Variants in TMEM182 observed in about 807,000 individuals in gnomAD.
TMEM182 encodes transmembrane protein 182.
A neutral mutation model predicts 26.8 loss-of-function variants in TMEM182; 20 were observed. The observed-to-expected ratio is 0.75, with a 90% CI of 0.53 to 1.09. The LOEUF is 1.09. TMEM182 is among the 50% of genes least tolerant of loss of function. TMEM182 has a pLI of 0.00. For synonymous variants in TMEM182, 109 were observed against 102.2 expected, an observed-to-expected ratio of 1.07 and a Z score of -0.40; for missense variants, 277 against 275.5, an observed-to-expected ratio of 1.01 and a Z score of -0.04.
chr2:102,768,376 G>T (rs888744919), intron 3 of TMEM182, among the ~76,000 whole-genome samples: 5 of 151,928 alleles, frequency 3.3e-5, no homozygotes, highest in African/African-American at 1.2e-4. Context: ...TTACTAAATG[G>T]ACCTACACAA....
intron 1 of TMEM182, among the ~76,000 whole-genome samples, chr2:102,741,394 G>T (rs10192265): frequency 6.6e-6 from 1 of 152,098 alleles, no homozygotes; most frequent in Non-Finnish European, 1.5e-5. Context: ...GAAAAATTCC[G>T]TCAGGTTCCC....
At chr2:102,795,098 G>A (rs2104722790) in intron 3 of TMEM182, among the ~76,000 whole-genome samples, 1 of 152,098 alleles carries the variant, frequency 6.6e-6, no homozygotes. Context: ...CATTGCATGG[G>A]TTTAATTTCA....
At chr2:102,798,124 A>T (rs1681961784) in intron 4 of TMEM182, 124 bp downstream of exon 4, 15 of 1,222,692 alleles carry the variant, frequency 1.2e-5, no homozygotes, top group Non-Finnish European at 1.6e-5. Flanking sequence ...TGTATACAAT[A>T]CTTCTTGAAC....
upstream of TMEM182, among the ~76,000 whole-genome samples, chr2:102,760,644 T>C (rs562594848): frequency 3.2e-4 from 48 of 152,302 alleles, no homozygotes; most frequent in African/African-American, 1.1e-3. Context: ...TTGAGAGTTT[T>C]GCTCTTGTTG....
In TMEM182 at chr2:102,809,765, T is replaced by G. The variant is rs1346067652; in HGVS notation, c.470-4983T>G. Among the ~76,000 whole-genome samples the G allele has an allele frequency of 2.0e-5, 3 of 152,232 alleles. No homozygotes were observed. In the East Asian group the frequency reaches 5.8e-4, roughly 29 times the overall value. On this transcript the variant is annotated intron_variant, in intron 4 of 4. Transcript: ENST00000412401. ...TTATGATGTTTACTTTCTAATTCTA[T>G]GTAGATGCCCTGCTAAATATTGCAC... is the stretch of plus-strand genomic sequence containing the variant.
At chr2:102,753,290 A>G (rs1679931461) in intron 1 of TMEM182, among the ~76,000 whole-genome samples, 1 of 152,050 alleles carries the variant, frequency 6.6e-6, no homozygotes, top group Non-Finnish European at 1.5e-5. Flanking sequence ...ACCCTTTTGC[A>G]GAGGGAAGGG....
In TMEM182 at chr2:102,816,760, C is replaced by A; in HGVS notation, c.*1792C>A. The A allele has an allele frequency of 1.0e-6, 1 of 985,682 alleles. No individual in the cohort carries two copies. The highest frequency in any genetic ancestry group is 1.2e-6 in the Non-Finnish European group (1 of 829,890). 61.1% of individuals were successfully genotyped at this position (985,682 alleles called of 1,614,324 possible). ...ATGGCATGCCATTAAGTTTTCCAGA[C>A]GATGTTGGATGTATCTGATTAGTTC... On this transcript the variant is annotated 3_prime_UTR_variant, in exon 5 of 5. Transcript: ENST00000412401.
At chr2:102,761,875 G>A (rs574046353), upstream of TMEM182, 35 of 223,474 alleles carry the variant, frequency 1.6e-4, 1 homozygote, top group African/African-American at 7.1e-4. Context: ...ATGATAATCT[G>A]AGCCAGTTCC....
chr2:102,780,262 T>C (rs1463961433), intron 3 of TMEM182, among the ~76,000 whole-genome samples: 1 of 152,182 alleles, frequency 6.6e-6, no homozygotes, highest in East Asian at 1.9e-4. Context: ...TTTGTTTTAG[T>C]TGGCTTCCTT....
chr2:102,789,030 G>T (rs1044707064), intron 3 of TMEM182, among the ~76,000 whole-genome samples: 1 of 152,220 alleles, frequency 6.6e-6, no homozygotes, highest in Non-Finnish European at 1.5e-5. Flanking sequence ...GGCCAGGCTT[G>T]CTGGCCTGCA....
At chr2:102,747,403 A>G (rs1317980588) in intron 1 of TMEM182, among the ~76,000 whole-genome samples, 1 of 152,198 alleles carries the variant, frequency 6.6e-6, no homozygotes, top group Non-Finnish European at 1.5e-5. Context: ...TATGCCTTTG[A>G]GTACTGTTTT....
chr2:102,738,363 G>C (rs1019035191), intron 1 of TMEM182, among the ~76,000 whole-genome samples: 3 of 152,152 alleles, frequency 2.0e-5, no homozygotes, highest in African/African-American at 7.2e-5. Context: ...GGGAAGCCAG[G>C]GTGGGCAGAT....
intron 4 of TMEM182, among the ~76,000 whole-genome samples, chr2:102,802,041 A>G (rs1383578908): frequency 6.6e-6 from 1 of 152,192 alleles, no homozygotes; most frequent in Non-Finnish European, 1.5e-5. Flanking sequence ...GGGCCAGCAT[A>G]TTGAGCTCTG....
intron 1 of TMEM182, among the ~76,000 whole-genome samples, chr2:102,752,861 A>G (rs1335374076): frequency 6.6e-6 from 1 of 152,244 alleles, no homozygotes; most frequent in East Asian, 1.9e-4. Flanking sequence ...TGCACAAAAG[A>G]AATGTGCAGA....
At chr2:102,765,911 G>T (rs964760790) in intron 3 of TMEM182, among the ~76,000 whole-genome samples, 1 of 152,194 alleles carries the variant, frequency 6.6e-6, no homozygotes, top group African/African-American at 2.4e-5. Context: ...GGACTTAGAA[G>T]TATACAAGCC....
At chr2:102,762,876 T>A (rs1320896495) in intron 2 of TMEM182, among the ~76,000 whole-genome samples, 190 bp downstream of exon 2, 2 of 152,228 alleles carry the variant, frequency 1.3e-5, no homozygotes, top group African/African-American at 2.4e-5. Flanking sequence ...AATTATTTTA[T>A]CTTTTAGCAT....
intron 3 of TMEM182, among the ~76,000 whole-genome samples, chr2:102,790,172 C>T (rs886877102): frequency 5.9e-5 from 9 of 152,224 alleles, no homozygotes; most frequent in South Asian, 2.1e-4. Flanking sequence ...GTGCCTTGCA[C>T]GTAGAAAGCC....
chr2:102,829,217 G>A (rs902054581), intron 3 of TMEM182, among the ~76,000 whole-genome samples: 5 of 152,148 alleles, frequency 3.3e-5, no homozygotes, highest in African/African-American at 7.2e-5. Flanking sequence ...TGGGCTATAC[G>A]TGGGCAGAAG....
chr2:102,763,283 G>A (rs914485158), intron 2 of TMEM182, among the ~76,000 whole-genome samples: 38 of 152,186 alleles, frequency 2.5e-4, no homozygotes, highest in African/African-American at 8.7e-4. Flanking sequence ...TTTTAAGGTA[G>A]CATAACTTTT....
Sources: gnomAD v4.1 joint callset for allele counts (sites outside exome capture counted in the v4.1 genomes callset) on GRCh38, gnomAD v4.1.1 for gene constraint, MANE v1.5 for transcripts, NCBI Gene and HGNC (gene_info 2026-07-23, HGNC 2026-07-21) for gene names.